The following NCF2 variants were observed in gnomAD, a reference collection of about 807,000 sequenced individuals.
NCF2 encodes the protein neutrophil cytosol factor 2.
Under a neutral mutation model 70.9 loss-of-function variants are expected in NCF2, and 45 were observed. The observed-to-expected ratio is 0.63, with a 90% CI of 0.50 to 0.81. The LOEUF is 0.81. NCF2 is among the 40% of genes least tolerant of loss of function. The pLI, the probability that NCF2 is intolerant of heterozygous loss-of-function variation, is 0.00. For missense variants in NCF2, 522 were observed against 631.6 expected, an observed-to-expected ratio of 0.83 and a Z score of 1.86; for synonymous variants, 203 against 233.6, an observed-to-expected ratio of 0.87 and a Z score of 1.19.
intron 4 of NCF2, 134 bp downstream of exon 4, chr1:183,574,353 T>C (rs1672702065): frequency 7.7e-7 from 1 of 1,306,246 alleles, no homozygotes; most frequent in Non-Finnish European, 1.1e-6. Flanking sequence ...AGTGGAACTA[T>C]ACCCTAAGAT....
chr1:183,599,482 CTCT>C, the NCF2 span, among the ~76,000 whole-genome samples: 126 of 72,746 alleles, frequency 1.7e-3, no homozygotes, highest in Middle Eastern at 6.8e-3. Flanking sequence ...TTCTTTCTTT[CTCT>C]TTTCTTTCTT....
Position 183,556,122 on chromosome 1 carries a change from A to ACTT in NCF2, c.1574_1576dup (p.Glu525dup). ...CTTTGTAGTTTGTGAAACATCCTAG[A>ACTT]CTTCTCTCCGAGTGCTTTCCAAATC... On this transcript the variant is annotated inframe_insertion, in exon 15 of 15. Coordinates refer to ENST00000367535, the MANE Select transcript of NCF2 (RefSeq NM_000433.4). The ACTT allele has an allele frequency of 6.2e-7, 1 of 1,613,560 alleles. No individual in the cohort carries two copies. Among genetic ancestry groups the ACTT allele is most frequent in the Non-Finnish European group, 8.5e-7 (1 of 1,179,486 alleles).
the NCF2 span, among the ~76,000 whole-genome samples, chr1:183,599,475 TTTCTTTCTC>T: frequency 5.2e-3 from 754 of 143,942 alleles, 5 homozygotes; most frequent in Middle Eastern, 0.01. Flanking sequence ...TCTTTCTTTC[TTTCTTTCTC>T]TTTTCTTTCT....
At position 183,565,740 on chromosome 1, in the gene NCF2, TAGG is replaced by T; in HGVS notation, c.961_963del (p.Pro321del). The T allele has an allele frequency of 6.2e-7, 1 of 1,612,916 alleles. No individual in the cohort carries two copies. Among genetic ancestry groups the T allele is most frequent in the Middle Eastern group, 2.0e-4 (1 of 5,084 alleles). Reference sequence around the variant, plus strand: ...TGGGGTCTTCCAGGGGCTTTGGAACTAGGAGGAGCTGGGATGTCGGACTGCGGA... The same window carrying T: ...TGGGGTCTTCCAGGGGCTTTGGAACTAGGAGCTGGGATGTCGGACTGCGGA... On this transcript the variant is annotated inframe_deletion, in exon 10 of 15. Transcript: ENST00000367535.
rs532294062 is a variant in NCF2 at position 183,556,622 on chromosome 1, C to T, written c.1469-392G>A. On this transcript the variant is annotated intron_variant, in intron 14 of 14. Transcript: ENST00000367535. The stretch of plus-strand genomic sequence containing the variant: ...TCTGGGCTTACTGCAACCTCTGCCT[C>T]CTGGGCTCAAGTAATCCTCCCACCT... Among the ~76,000 whole-genome samples, 7 of 152,310 alleles carry T rather than the reference C, an allele frequency of 4.6e-5. No individual in the cohort carries two copies. In the East Asian group the frequency reaches 1.4e-3, roughly 29 times the overall value.
At chr1:183,596,543 G>T in the NCF2 span, among the ~76,000 whole-genome samples, 1 of 152,056 alleles carries the variant, frequency 6.6e-6, no homozygotes, top group Non-Finnish European at 1.5e-5. Context: ...AGAGGCCAAG[G>T]TGGGCGGATC....
At chr1:183,601,630 G>T in the NCF2 span, among the ~76,000 whole-genome samples, 2 of 152,068 alleles carry the variant, frequency 1.3e-5, 1 homozygote, top group Admixed American at 1.3e-4. Context: ...GGTTGAGGCG[G>T]GTGGGTCACG....
chr1:183,567,498 T>C, intron 7 of NCF2, 153 bp from the exon 8 acceptor site: 1 of 1,036,672 alleles, frequency 9.6e-7, no homozygotes, highest in Non-Finnish European at 1.5e-6. Flanking sequence ...CTGCCTGGGC[T>C]CCCAAGAGGT....
intron 3 of NCF2, among the ~76,000 whole-genome samples, chr1:183,575,886 G>A (rs930615545): frequency 2.0e-5 from 3 of 152,172 alleles, no homozygotes; most frequent in Non-Finnish European, 2.9e-5. Context: ...GATCAACCCC[G>A]GAAGTGGAAA....
chr1:183,572,909 A>G (rs1672631138), intron 5 of NCF2, among the ~76,000 whole-genome samples: 2 of 152,100 alleles, frequency 1.3e-5, no homozygotes, highest in South Asian at 2.1e-4. Context: ...TTTTCCCTCC[A>G]TTGGCTCAGT....
intron 4 of NCF2, 100 bp from the exon 5 acceptor site, chr1:183,573,392 A>T: frequency 1.8e-6 from 2 of 1,107,198 alleles, no homozygotes; most frequent in Non-Finnish European, 2.8e-6. Flanking sequence ...CATTGAGATA[A>T]CCACATAGAA....
the NCF2 span, among the ~76,000 whole-genome samples, chr1:183,601,349 C>T: frequency 6.6e-5 from 10 of 152,188 alleles, no homozygotes; most frequent in African/African-American, 2.4e-5. Flanking sequence ...AATACAGTGT[C>T]TCCAATTGTA....
intron 2 of NCF2, among the ~76,000 whole-genome samples, chr1:183,583,777 G>A (rs571997839): frequency 1.3e-5 from 2 of 152,352 alleles, no homozygotes; most frequent in African/African-American, 4.8e-5. Flanking sequence ...GCATGAGTGG[G>A]TGGCAGCAGC....
chr1:183,569,610 A>C (rs1461727313), intron 6 of NCF2, among the ~76,000 whole-genome samples: 3 of 152,150 alleles, frequency 2.0e-5, no homozygotes, highest in Non-Finnish European at 4.4e-5. Flanking sequence ...TTTTTTTGAG[A>C]TGGAGTTTCA....
intron 5 of NCF2, among the ~76,000 whole-genome samples, chr1:183,572,415 C>T (rs1452025683): frequency 6.6e-6 from 1 of 152,186 alleles, no homozygotes; most frequent in East Asian, 1.9e-4. Flanking sequence ...AACTCCTGAC[C>T]TCGTGATCCA....
At chr1:183,572,233 G>A (rs535437538) in intron 5 of NCF2, among the ~76,000 whole-genome samples, 35 of 152,314 alleles carry the variant, frequency 2.3e-4, no homozygotes, top group African/African-American at 8.2e-4. Context: ...TGCCCAGGCT[G>A]GAGTGCAATG....
At chr1:183,559,235 A>G (rs932683403) in intron 14 of NCF2, among the ~76,000 whole-genome samples, 45 of 151,398 alleles carry the variant, frequency 3.0e-4, no homozygotes, top group African/African-American at 1.0e-3. Context: ...TGTGTTGCCC[A>G]GGCAACAGCC....
upstream of NCF2, among the ~76,000 whole-genome samples, chr1:183,591,196 C>T (rs144514762): frequency 2.0e-3 from 310 of 152,334 alleles, no homozygotes; most frequent in Middle Eastern, 3.4e-3. Context: ...GGTAGTGTGG[C>T]CCACTGAGGC....
At chr1:183,584,334 C>T (rs1673242071) in intron 2 of NCF2, among the ~76,000 whole-genome samples, 1 of 152,240 alleles carries the variant, frequency 6.6e-6, no homozygotes, top group Non-Finnish European at 1.5e-5. Flanking sequence ...GGAATACCAA[C>T]ACCTAGGGAA....
Sources: gnomAD v4.1 joint callset for allele counts (sites outside exome capture counted in the v4.1 genomes callset) on GRCh38, gnomAD v4.1.1 for gene constraint, MANE v1.5 for transcripts, NCBI Gene and HGNC (gene_info 2026-07-23, HGNC 2026-07-21) for gene names.